The following KSR2 variants were observed in gnomAD, a reference collection of about 807,000 sequenced individuals.
KSR2 encodes the protein kinase suppressor of ras 2.
KSR2 carries 25 observed loss-of-function variants against 107.8 expected under a neutral mutation model. That is an observed-to-expected ratio of 0.23 (90% CI 0.17 to 0.32). The LOEUF (loss-of-function observed/expected upper bound fraction) is 0.32. Among genes scored for constraint, KSR2 ranks in the 10% least tolerant of loss-of-function variants. KSR2 has a pLI of 1.00. For missense variants in KSR2, 887 were observed against 1,268.9 expected, an observed-to-expected ratio of 0.70 and a Z score of 4.57; for synonymous variants, 480 against 507.0, an observed-to-expected ratio of 0.95 and a Z score of 0.71.
intron 1 of KSR2, 68 bp from the exon 2 acceptor site, chr12:117,860,499 A>C: frequency 1.4e-6 from 2 of 1,458,396 alleles, no homozygotes. Flanking sequence ...AGAGGCGAGA[A>C]CCCCCTACGA....
chr12:117,781,409 C>T (rs1014007960), intron 3 of KSR2, among the ~76,000 whole-genome samples: 4 of 152,050 alleles, frequency 2.6e-5, no homozygotes, highest in African/African-American at 4.8e-5. Context: ...TGTGATCCAC[C>T]GGAGGAGGCT....
At chr12:117,672,144 C>A (rs1006081326) in intron 4 of KSR2, among the ~76,000 whole-genome samples, 7 of 152,136 alleles carry the variant, frequency 4.6e-5, no homozygotes, top group South Asian at 2.1e-4. Context: ...GAAAGGAAAG[C>A]AAGGCGGTGG....
At chr12:117,745,684 A>G (rs1888381019) in intron 4 of KSR2, among the ~76,000 whole-genome samples, 1 of 152,184 alleles carries the variant, frequency 6.6e-6, no homozygotes, top group African/African-American at 2.4e-5. Flanking sequence ...TGAAAACCCT[A>G]TCATCTCAGC....
chr12:117,486,969 CATT>C (rs1433319293), intron 14 of KSR2, among the ~76,000 whole-genome samples: 2 of 151,896 alleles, frequency 1.3e-5, no homozygotes, highest in Non-Finnish European at 2.9e-5. Context: ...CCTGATCTGT[CATT>C]TAGTGGCTGT....
chr12:117,900,010 TC>T (rs1894633876), intron 1 of KSR2, among the ~76,000 whole-genome samples: 2 of 152,296 alleles, frequency 1.3e-5, no homozygotes, highest in Admixed American at 1.3e-4. Flanking sequence ...TCTCCCCCAG[TC>T]CAGCCTTCAG....
chr12:117,833,152 C>T (rs1892048489), intron 3 of KSR2, among the ~76,000 whole-genome samples: 1 of 152,178 alleles, frequency 6.6e-6, no homozygotes, highest in Non-Finnish European at 1.5e-5. Context: ...GCCCAGGCAC[C>T]TCTCTGAATT....
intron 4 of KSR2, among the ~76,000 whole-genome samples, chr12:117,751,307 T>C (rs1278946917): frequency 6.6e-6 from 1 of 152,216 alleles, no homozygotes; most frequent in Admixed American, 6.5e-5. Context: ...CTTTCCTTTA[T>C]AAATTACCCA....
rs76957283 is a variant in KSR2, at chr12:117,603,122, C to T, written c.1172-20763G>A. On this transcript the variant is annotated intron_variant, in intron 5 of 19. Transcript: ENST00000339824. ...AATTACCAAGAGGATATCAAGATACCTGGTGACAGAGCCTTCTGGGTATAG... is the reference window on the plus strand; with the variant it reads ...AATTACCAAGAGGATATCAAGATACTTGGTGACAGAGCCTTCTGGGTATAG... Among the ~76,000 whole-genome samples the T allele has an allele frequency of 2.0e-5, 3 of 152,276 alleles. No homozygotes were observed. In the East Asian group the frequency reaches 5.8e-4, roughly 29 times the overall value.
rs1452761028 is a variant in KSR2 at position 117,466,927 on chromosome 12, A to G, written c.*272T>C. 7.8e-6 allele frequency: 3 copies of G among 383,772 alleles called. No homozygotes were observed. Among genetic ancestry groups the G allele is most frequent in the Non-Finnish European group, 1.4e-5 (3 of 216,970 alleles). 23.8% of individuals were successfully genotyped at this position (383,772 alleles called of 1,614,324 possible). A position where few individuals can be genotyped will look rare whatever the true frequency, so the allele number is the denominator to read the frequency against. On this transcript the variant is annotated 3_prime_UTR_variant, in exon 20 of 20. Coordinates refer to ENST00000339824, the MANE Select transcript of KSR2 (RefSeq NM_173598.6). Reference sequence around the variant, plus strand: ...ACGTGCAGCCTGCAGTGCTCTCATTAGTGCTGTCCCCTGGGCCGCACTGAT... The same window carrying G: ...ACGTGCAGCCTGCAGTGCTCTCATTGGTGCTGTCCCCTGGGCCGCACTGAT...
chr12:117,692,718 C>T (rs903349376), intron 4 of KSR2, among the ~76,000 whole-genome samples: 5 of 151,766 alleles, frequency 3.3e-5, no homozygotes, highest in Non-Finnish European at 5.9e-5. Flanking sequence ...ATATTAGCCA[C>T]CCATAAAAAA....
At chr12:117,793,302 A>AC (rs1890356341) in intron 3 of KSR2, among the ~76,000 whole-genome samples, 4 of 130,714 alleles carry the variant, frequency 3.1e-5, no homozygotes, top group Admixed American at 7.9e-5. Context: ...CCATACACAC[A>AC]ACATGCACAC....
intron 1 of KSR2, among the ~76,000 whole-genome samples, chr12:117,937,150 T>C (rs1364156544): frequency 1.3e-5 from 2 of 152,228 alleles, no homozygotes; most frequent in African/African-American, 4.8e-5. Flanking sequence ...AAAGTTCTCC[T>C]CTTAATCTGA....
intron 1 of KSR2, among the ~76,000 whole-genome samples, chr12:117,872,274 C>T (rs1021348966): frequency 2.5e-4 from 38 of 152,174 alleles, no homozygotes; most frequent in African/African-American, 9.2e-4. Context: ...AGTTTCCAAT[C>T]ATAAGCTTCA....
At chr12:117,651,131 T>C (rs1013189778) in intron 5 of KSR2, among the ~76,000 whole-genome samples, 1 of 152,178 alleles carries the variant, frequency 6.6e-6, no homozygotes, top group Non-Finnish European at 1.5e-5. Context: ...AAGGAACAAC[T>C]TCCCCATCCC....
intron 1 of KSR2, among the ~76,000 whole-genome samples, chr12:117,954,843 C>T (rs575257504): frequency 7.9e-4 from 120 of 152,070 alleles, no homozygotes; most frequent in Non-Finnish European, 1.4e-3. Flanking sequence ...TGGTGAAACC[C>T]CATCTCTACT....
intron 1 of KSR2, among the ~76,000 whole-genome samples, chr12:117,925,326 G>A (rs555032594): frequency 2.6e-5 from 4 of 151,608 alleles, no homozygotes; most frequent in South Asian, 2.1e-4. Context: ...GTTTCACCAC[G>A]TTGCCCAGGC....
chr12:117,724,379 G>A (rs75437409), intron 4 of KSR2, among the ~76,000 whole-genome samples: 2,596 of 151,138 alleles, frequency 0.017, 56 homozygotes, highest in African/African-American at 0.052. Flanking sequence ...AAGTAGCAAT[G>A]TTCCTCAGAT....
At chr12:117,625,351 GCTC>G (rs1407799919) in intron 5 of KSR2, among the ~76,000 whole-genome samples, 2 of 152,164 alleles carry the variant, frequency 1.3e-5, no homozygotes, top group Non-Finnish European at 2.9e-5. Context: ...GTCATAAATA[GCTC>G]TTATTATTTT....
chr12:117,815,399 G>GA lies in KSR2; in HGVS notation c.472+40028dup, dbSNP rs76702934. 0.015 allele frequency among the ~76,000 whole-genome samples: 2,259 copies of GA among 151,658 alleles called. 105 individuals carry two copies. The East Asian group carries it at 0.18, about 12-fold the overall frequency. ...AACAGTCTCCGTGATACATGTATAA[G>GA]AAAAAAAAGCAACATGCAGAATAGT... On this transcript the variant is annotated intron_variant, in intron 3 of 19. Coordinates refer to ENST00000339824, the MANE Select transcript of KSR2 (RefSeq NM_173598.6).
Sources: gnomAD v4.1 joint callset for allele counts (sites outside exome capture counted in the v4.1 genomes callset) on GRCh38, gnomAD v4.1.1 for gene constraint, MANE v1.5 for transcripts, NCBI Gene and HGNC (gene_info 2026-07-23, HGNC 2026-07-21) for gene names.